NFKBIL1: variants seen among roughly 807,000 people sequenced by gnomAD.
NFKBIL1 encodes NF-kappa-B inhibitor-like protein 1.
NFKBIL1 carries 30 observed loss-of-function variants against 45.4 expected under a neutral mutation model. That is an observed-to-expected ratio of 0.66 (90% CI 0.49 to 0.90). NFKBIL1 has a LOEUF of 0.90. Ranked by LOEUF, NFKBIL1 falls within the 40% of genes least tolerant of loss-of-function variation. The pLI is 0.00. For missense variants in NFKBIL1, 434 were observed against 513.4 expected (o/e 0.85, Z 1.49); for synonymous variants, 179 against 197.3 (o/e 0.91, Z 0.78).
chr6:31,555,605 C>A (rs1005879652), intron 2 of NFKBIL1, among the ~76,000 whole-genome samples: 1 of 132,864 alleles, frequency 7.5e-6, no homozygotes, highest in African/African-American at 2.7e-5. Context: ...CTCTCTCTCT[C>A]TCTCTTTTTT....
chr6:31,553,053 T>C (rs1769525554), intron 2 of NFKBIL1, among the ~76,000 whole-genome samples: 1 of 150,040 alleles, frequency 6.7e-6, no homozygotes, highest in Non-Finnish European at 1.5e-5. Flanking sequence ...TTTTTTTTTT[T>C]TTTTCCGAGA....
intron 2 of NFKBIL1, among the ~76,000 whole-genome samples, chr6:31,555,136 C>G (rs1280822819): frequency 6.6e-6 from 1 of 151,864 alleles, no homozygotes; most frequent in Non-Finnish European, 1.5e-5. Flanking sequence ...ATATCCCTTT[C>G]ACATTAAAAT....
intron 1 of NFKBIL1, 57 bp from the exon 2 acceptor site, chr6:31,548,106 A>C (rs1764335648): frequency 6.2e-7 from 1 of 1,607,732 alleles, no homozygotes; most frequent in Admixed American, 1.7e-5. Flanking sequence ...TCAGAGATGG[A>C]GGGAGAAGGA....
At chr6:31,549,411 C>T (rs1769303965) in intron 2 of NFKBIL1, among the ~76,000 whole-genome samples, 1 of 150,922 alleles carries the variant, frequency 6.6e-6, no homozygotes, top group Non-Finnish European at 1.5e-5. Context: ...GCCACCACGC[C>T]CAGCTAATTT....
chr6:31,557,745 C>T lies in NFKBIL1; in HGVS notation c.452C>T (p.Ala151Val), dbSNP rs373866765. The T allele has an allele frequency of 2.5e-6, 4 of 1,612,432 alleles. No individual in the cohort carries two copies. In the Admixed American group the frequency reaches 5.0e-5, roughly 20 times the overall value. The change falls in exon 3 of 4, where the codon GCT becomes GTT. Residue 151 changes from alanine to valine, a missense_variant. Coordinates refer to ENST00000376148, the MANE Select transcript of NFKBIL1 (RefSeq NM_005007.4). The surrounding 1 kb of genome is among the most constrained non-coding windows in gnomAD (Gnocchi z 5.4). ...GGCTGGGGACCCCCCTGGGATTCTG[C>T]TGAAGAGGAGGAAGAAGATGATGCC... ...ILGWGPPWDS[A>V]EEEEEDDASK...
intron 2 of NFKBIL1, chr6:31,556,646 G>GC (rs878884014): frequency 8.8e-5 from 40 of 456,626 alleles, no homozygotes; most frequent in South Asian, 6.2e-4. Context: ...TTTTCTCTCA[G>GC]CCCATGGGTG....
In NFKBIL1 at chr6:31,558,757, G is replaced by A; in HGVS notation, c.*146G>A. 2 of 687,500 alleles carry A rather than the reference G, an allele frequency of 2.9e-6. No homozygotes were observed. Among genetic ancestry groups the A allele is most frequent in the South Asian group, 4.2e-5 (2 of 47,900 alleles). The allele number at this position is 687,500 out of a possible 1,614,324, so 42.6% of individuals were successfully genotyped here. A position where few individuals can be genotyped will look rare whatever the true frequency, so the allele number is the denominator to read the frequency against. ...GGGAGCGAAAGTTGTAACAAGTGGGGGTGGGGGGTGCGGGCCGCCACCACT... is the reference window on the plus strand; with the variant it reads ...GGGAGCGAAAGTTGTAACAAGTGGGAGTGGGGGGTGCGGGCCGCCACCACT... On this transcript the variant is annotated 3_prime_UTR_variant, in exon 4 of 4. Coordinates refer to ENST00000376148, the MANE Select transcript of NFKBIL1 (RefSeq NM_005007.4). The surrounding 1 kb of genome is among the most constrained non-coding windows in gnomAD (Gnocchi z 7.2).
chr6:31,557,739 A>T lies in NFKBIL1; in HGVS notation c.446A>T (p.Asp149Val). The change falls in exon 3 of 4, where the codon GAT (aspartate) becomes GTT (valine). Residue 149 changes from aspartate to valine, a missense_variant. Physicochemically the swap from Asp to Val is radical, Grantham distance 152. Transcript: ENST00000376148. This position sits in a 1 kb window ranked among gnomAD's most constrained non-coding sequence, Gnocchi z 5.4. ...GQILGWGPPW[D>V]SAEEEEEDDA... ...ATTTTGGGCTGGGGACCCCCCTGGGATTCTGCTGAAGAGGAGGAAGAAGAT... is the reference window on the plus strand; with the variant it reads ...ATTTTGGGCTGGGGACCCCCCTGGGTTTCTGCTGAAGAGGAGGAAGAAGAT... 4 of 1,611,828 alleles carry T rather than the reference A, an allele frequency of 2.5e-6. No individual in the cohort carries two copies. The highest frequency in any genetic ancestry group is 3.4e-6 in the Non-Finnish European group (4 of 1,178,708).
chr6:31,549,904 T>C (rs1582998453), intron 2 of NFKBIL1, among the ~76,000 whole-genome samples: 1 of 151,982 alleles, frequency 6.6e-6, no homozygotes, highest in Non-Finnish European at 1.5e-5. Flanking sequence ...CCTGGTGATA[T>C]TATAATAGTG....
chr6:31,558,002 C>CA lies in NFKBIL1; in HGVS notation c.557-19dup. 56 of 1,374,574 alleles carry CA rather than the reference C, an allele frequency of 4.1e-5. No homozygotes were observed. The highest frequency in any genetic ancestry group is 5.4e-5 in the Non-Finnish European group (53 of 980,704). The allele number at this position is 1,374,574 out of a possible 1,614,324, so 85.1% of individuals were successfully genotyped here. ...CTCACAGCCTCTCTCCAACTACCCCCATCCCACCCTCCCAAACAGGTGATG... is the reference window on the plus strand; with the variant it reads ...CTCACAGCCTCTCTCCAACTACCCCCAATCCCACCCTCCCAAACAGGTGATG... On this transcript the variant is annotated intron_variant, in intron 3 of 3. Coordinates refer to ENST00000376148, the MANE Select transcript of NFKBIL1 (RefSeq NM_005007.4). This position sits in a 1 kb window ranked among gnomAD's most constrained non-coding sequence, Gnocchi z 7.2.
Position 31,557,365 on chromosome 6 carries a change from C to T in NFKBIL1, c.335-263C>T, listed in dbSNP as rs900980166. On this transcript the variant is annotated intron_variant, in intron 2 of 3. Coordinates refer to ENST00000376148, the MANE Select transcript of NFKBIL1 (RefSeq NM_005007.4). The surrounding 1 kb of genome is among the most constrained non-coding windows in gnomAD (Gnocchi z 5.4). ...CCTCGTGATCCGCCCGCCTCGGACT[C>T]CCAAAGTGCTGGGATTACAGGCGTG... 1.3e-5 allele frequency among the ~76,000 whole-genome samples: 2 copies of T among 152,198 alleles called. No individual in the cohort carries two copies. Among genetic ancestry groups the T allele is most frequent in the Non-Finnish European group, 2.9e-5 (2 of 68,040 alleles).
rs1426335303 is a variant in NFKBIL1, at chr6:31,548,385, C to T, written c.280C>T (p.Gln94Ter). Residue 94 changes from glutamine (Q) to a stop codon, truncating the protein, a stop_gained, in exon 2 of 4, where the codon CAG becomes TAG. Transcript: ENST00000376148. LOFTEE classifies it high-confidence loss of function. ...TCGGCTCGGGGCTGACCCTGCCCAC[C>T]AGGACCGCCATGGGGACACGGCACT... is the stretch of plus-strand genomic sequence containing the variant. ...LLRLGADPAH[Q>*]DRHGDTALHA... 6.4e-7 allele frequency: 1 copy of T among 1,559,438 alleles called. No individual in the cohort carries two copies. The highest frequency in any genetic ancestry group is 8.6e-7 in the Non-Finnish European group (1 of 1,156,086).
intron 2 of NFKBIL1, among the ~76,000 whole-genome samples, chr6:31,553,200 A>G (rs1004412098): frequency 1.4e-5 from 2 of 147,690 alleles, no homozygotes; most frequent in African/African-American, 5.0e-5. Flanking sequence ...TGCCCAGCTA[A>G]TTTTTGTATT....
rs372701895 is a variant in NFKBIL1, at chr6:31,558,001, C to G, written c.557-21C>G. 1.1e-5 allele frequency: 15 copies of G among 1,412,848 alleles called. No homozygotes were observed. The African/African-American group carries it at 1.5e-4, about 15-fold the overall frequency. 87.5% of individuals were successfully genotyped at this position (1,412,848 alleles called of 1,614,324 possible). A position where few individuals can be genotyped will look rare whatever the true frequency, so the allele number is the denominator to read the frequency against. Reference sequence around the variant, plus strand: ...TCTCACAGCCTCTCTCCAACTACCCCCATCCCACCCTCCCAAACAGGTGAT... The same window carrying G: ...TCTCACAGCCTCTCTCCAACTACCCGCATCCCACCCTCCCAAACAGGTGAT... On this transcript the variant is annotated intron_variant, in intron 3 of 3. Coordinates refer to ENST00000376148, the MANE Select transcript of NFKBIL1 (RefSeq NM_005007.4). The surrounding 1 kb of genome is among the most constrained non-coding windows in gnomAD (Gnocchi z 7.2).
At chr6:31,547,126 GTCC>G (rs1319973570), upstream of NFKBIL1, among the ~76,000 whole-genome samples, 314 of 147,880 alleles carry the variant, frequency 2.1e-3, 2 homozygotes, top group African/African-American at 7.2e-3. Context: ...TATTTCTCAA[GTCC>G]AAATTTTTGC....
Position 31,558,623 on chromosome 6 carries a change from A to G in NFKBIL1, c.*12A>G, listed in dbSNP as rs2150370184. 1 of 1,532,696 alleles carries G rather than the reference A, an allele frequency of 6.5e-7. No individual in the cohort carries two copies. The highest frequency in any genetic ancestry group is 8.8e-7 in the Non-Finnish European group (1 of 1,133,504). The allele number at this position is 1,532,696 out of a possible 1,614,324, so 94.9% of individuals were successfully genotyped here. A position where few individuals can be genotyped will look rare whatever the true frequency, so the allele number is the denominator to read the frequency against. On this transcript the variant is annotated 3_prime_UTR_variant, in exon 4 of 4. Coordinates refer to ENST00000376148, the MANE Select transcript of NFKBIL1 (RefSeq NM_005007.4). This position sits in a 1 kb window ranked among gnomAD's most constrained non-coding sequence, Gnocchi z 7.2. ...AGGCCCTCAAGTGACCCTAGGGAAG[A>G]AGCAAGAAACTTCGGGGCTGCAGCC...
At chr6:31,555,898 G>GT (rs1485838482) in intron 2 of NFKBIL1, among the ~76,000 whole-genome samples, 1 of 129,444 alleles carries the variant, frequency 7.7e-6, no homozygotes, top group Non-Finnish European at 1.7e-5. Context: ...GTGATCCATT[G>GT]TCCCCCCCCC....
intron 2 of NFKBIL1, among the ~76,000 whole-genome samples, chr6:31,555,531 G>T (rs56259854): frequency 6.7e-6 from 1 of 148,296 alleles, no homozygotes; most frequent in Non-Finnish European, 1.5e-5. Context: ...GAGCCACCAC[G>T]CCCGGCCTCT....
chr6:31,550,331 A>C (rs1260465783), intron 2 of NFKBIL1, among the ~76,000 whole-genome samples: 1 of 152,170 alleles, frequency 6.6e-6, no homozygotes, highest in Non-Finnish European at 1.5e-5. Flanking sequence ...GAAAACCTCT[A>C]GATCCAGATG....
Sources: allele counts gnomAD v4.1 joint callset (sites outside exome capture counted in the v4.1 genomes callset), GRCh38; gene constraint gnomAD v4.1.1; non-coding constraint Gnocchi (gnomAD v3.1); transcripts MANE v1.5; gene names NCBI Gene and HGNC (gene_info 2026-07-23, HGNC 2026-07-21).